The following QSOX2 variants were observed in gnomAD, a reference collection of about 807,000 sequenced individuals.
QSOX2 encodes the protein sulfhydryl oxidase 2.
In QSOX2, 46 loss-of-function variants were observed where a neutral mutation model predicts 61.7. That is an observed-to-expected ratio of 0.75 (90% CI 0.59 to 0.95). The LOEUF (loss-of-function observed/expected upper bound fraction) is 0.95. Ranked by LOEUF, QSOX2 falls within the 40% of genes least tolerant of loss-of-function variation. The pLI is 0.00. For missense variants in QSOX2, 879 were observed against 918.9 expected (o/e 0.96, Z 0.56); for synonymous variants, 383 against 388.4 (o/e 0.99, Z 0.16).
At chr9:136,241,313 G>C (rs1273814790) in intron 1 of QSOX2, among the ~76,000 whole-genome samples, 1 of 152,134 alleles carries the variant, frequency 6.6e-6, no homozygotes, top group African/African-American at 2.4e-5. Flanking sequence ...CGTCAGCCCC[G>C]CCAAATGCCC....
intron 10 of QSOX2, among the ~76,000 whole-genome samples, chr9:136,214,675 C>A (rs1011436872): frequency 1.3e-5 from 2 of 152,220 alleles, no homozygotes; most frequent in African/African-American, 4.8e-5. Context: ...GCAGCCTGAC[C>A]AATCCTGAAG....
chr9:136,207,924 TAGAC>T lies in QSOX2; in HGVS notation c.*800_*803del, dbSNP rs931227508. The T allele has an allele frequency of 2.6e-5, 4 of 152,316 alleles. No individual in the cohort carries two copies. The highest frequency in any genetic ancestry group is 4.8e-5 in the African/African-American group (2 of 41,416). 9.4% of individuals were successfully genotyped at this position (152,316 alleles called of 1,614,324 possible). ...TACTTGTCTCTCTCTTGTCACCAGA[TAGAC>T]AGACAAAGGCGCTGCCTCTGAGGGT... On this transcript the variant is annotated 3_prime_UTR_variant, in exon 12 of 12. Transcript: ENST00000358701.
At chr9:136,233,507 A>C (rs934962973) in intron 1 of QSOX2, among the ~76,000 whole-genome samples, 5 of 152,244 alleles carry the variant, frequency 3.3e-5, no homozygotes, top group Admixed American at 6.5e-5. Context: ...GACAGCTGGA[A>C]GGACTGCACC....
Position 136,223,657 on chromosome 9 carries a change from C to A in QSOX2, c.675+106G>T. 1 of 790,912 alleles carries A rather than the reference C, an allele frequency of 1.3e-6. No individual in the cohort carries two copies. Among genetic ancestry groups the A allele is most frequent in the Non-Finnish European group, 2.1e-6 (1 of 481,750 alleles). The allele number at this position is 790,912 out of a possible 1,614,324, so 49.0% of individuals were successfully genotyped here. The stretch of plus-strand genomic sequence containing the variant: ...ACAAGACCTAAAGCCACAGACAGGA[C>A]ACGAGATGCCGACACAGTGACCGGC... On this transcript the variant is annotated intron_variant, in intron 5 of 11. Coordinates refer to ENST00000358701, the MANE Select transcript of QSOX2 (RefSeq NM_181701.4). This position sits in a 1 kb window ranked among gnomAD's most constrained non-coding sequence, Gnocchi z 4.4.
chr9:136,234,044 T>C (rs4842132), intron 1 of QSOX2, among the ~76,000 whole-genome samples: 143,703 of 151,690 alleles, frequency 0.95, 68,026 homozygotes, highest in East Asian at 1. Context: ...AGGACAAAGG[T>C]CTTCACGAGG....
chr9:136,242,611 A>T (rs1200003904), intron 1 of QSOX2, among the ~76,000 whole-genome samples: 1 of 152,270 alleles, frequency 6.6e-6, no homozygotes, highest in Non-Finnish European at 1.5e-5. Flanking sequence ...CTGCACTGCC[A>T]CGGGCAATGG....
In QSOX2 at chr9:136,219,169, G is replaced by C. The variant is rs200192745; in HGVS notation, c.822-5C>G. 139 of 1,612,080 alleles carry C rather than the reference G, an allele frequency of 8.6e-5. No homozygotes were observed. In the African/African-American group the frequency reaches 1.6e-3, roughly 18 times the overall value. On this transcript the variant is annotated splice_polypyrimidine_tract_variant and splice_region_variant and intron_variant, in intron 6 of 11. Transcript: ENST00000358701. Reference sequence around the variant, plus strand: ...AAGGCCCGCAGAGGCTTCACGCTGTGAGAGAGGGGAGGGCAAAGGTGAGAA... The same window carrying C: ...AAGGCCCGCAGAGGCTTCACGCTGTCAGAGAGGGGAGGGCAAAGGTGAGAA...
chr9:136,217,511 G>T (rs1029746398), intron 8 of QSOX2, among the ~76,000 whole-genome samples: 2 of 152,214 alleles, frequency 1.3e-5, no homozygotes, highest in Non-Finnish European at 2.9e-5. Flanking sequence ...TCCCGTGCAG[G>T]TTAAAAAGTA....
chr9:136,208,089 C>G lies in QSOX2; in HGVS notation c.*639G>C, dbSNP rs903622149. 7.2e-5 allele frequency: 11 copies of G among 152,016 alleles called. No homozygotes were observed. The highest frequency in any genetic ancestry group is 2.4e-4 in the African/African-American group (10 of 41,304). The allele number at this position is 152,016 out of a possible 1,614,324, so 9.4% of individuals were successfully genotyped here. ...ATCCCCACGTCTGGTGTCGAACACC[C>G]GGAGGAACAAGGAGAGCCCTCAGGA... On this transcript the variant is annotated 3_prime_UTR_variant, in exon 12 of 12. Transcript: ENST00000358701.
At chr9:136,214,036 G>C (rs1831880373) in intron 10 of QSOX2, among the ~76,000 whole-genome samples, 1 of 152,218 alleles carries the variant, frequency 6.6e-6, no homozygotes. Context: ...TAACCGTAAA[G>C]GAATTTGAGA....
At chr9:136,236,708 T>C (rs1830385292) in intron 1 of QSOX2, among the ~76,000 whole-genome samples, 2 of 151,582 alleles carry the variant, frequency 1.3e-5, no homozygotes, top group Admixed American at 6.6e-5. Context: ...GTCCTGTGCC[T>C]GCGTCACGTG....
At chr9:136,212,260 C>G (rs1415801682) in intron 10 of QSOX2, among the ~76,000 whole-genome samples, 1 of 152,216 alleles carries the variant, frequency 6.6e-6, no homozygotes, top group African/African-American at 2.4e-5. Flanking sequence ...TCGGCAGTCC[C>G]CACTCAGACG....
At chr9:136,218,963 T>A in intron 7 of QSOX2, 67 bp downstream of exon 7, 3 of 1,591,354 alleles carry the variant, frequency 1.9e-6, no homozygotes, top group Non-Finnish European at 2.6e-6. Flanking sequence ...AAACCCGCCC[T>A]GCAAGCACGC....
At chr9:136,242,696 G>A (rs1830442204) in intron 1 of QSOX2, among the ~76,000 whole-genome samples, 1 of 152,254 alleles carries the variant, frequency 6.6e-6, no homozygotes, top group Admixed American at 6.5e-5. Flanking sequence ...ACAGTTCTGA[G>A]CTGGCAGGTC....
intron 2 of QSOX2, among the ~76,000 whole-genome samples, chr9:136,225,694 G>A (rs2131059735): frequency 6.6e-6 from 1 of 152,376 alleles, no homozygotes; most frequent in Middle Eastern, 3.4e-3. Flanking sequence ...AAGGCGCACA[G>A]CAGCGCCGTT....
At chr9:136,226,193 G>C (rs1830278374) in intron 2 of QSOX2, among the ~76,000 whole-genome samples, 1 of 152,236 alleles carries the variant, frequency 6.6e-6, no homozygotes, top group South Asian at 2.1e-4. Context: ...CACGTTTCTG[G>C]AGATGTCCAT....
Position 136,215,146 on chromosome 9 carries a change from C to T in QSOX2, c.1360+8G>A, listed in dbSNP as rs1228488771. ...TCGGCCCCTCTGGCCTGTATGGGCA[C>T]AGCTTACCTGTGCCAACCAGTGCAT... On this transcript the variant is annotated splice_region_variant and intron_variant, in intron 10 of 11. Transcript: ENST00000358701. The T allele has an allele frequency of 6.2e-6, 10 of 1,612,908 alleles. No homozygotes were observed. Among genetic ancestry groups the T allele is most frequent in the Non-Finnish European group, 6.8e-6 (8 of 1,179,684 alleles).
At chr9:136,224,666 C>G (rs1830262456) in intron 3 of QSOX2, among the ~76,000 whole-genome samples, 195 bp downstream of exon 3, 1 of 152,200 alleles carries the variant, frequency 6.6e-6, no homozygotes, top group Non-Finnish European at 1.5e-5. Flanking sequence ...ATTTGCCAAG[C>G]AAGGCAAAGC....
intron 1 of QSOX2, among the ~76,000 whole-genome samples, chr9:136,240,110 G>A (rs958290802): frequency 1.3e-5 from 2 of 152,154 alleles, no homozygotes; most frequent in Admixed American, 6.5e-5. Flanking sequence ...TGGCAGGGGC[G>A]GGGGTGCCCA....
Sources: allele counts gnomAD v4.1 joint callset (sites outside exome capture counted in the v4.1 genomes callset), GRCh38; gene constraint gnomAD v4.1.1; non-coding constraint Gnocchi (gnomAD v3.1); transcripts MANE v1.5; gene names NCBI Gene and HGNC (gene_info 2026-07-23, HGNC 2026-07-21).